RUVBL1: variants seen among roughly 807,000 people sequenced by gnomAD.
RUVBL1 encodes the protein ruvB-like 1.
A neutral mutation model predicts 52.4 loss-of-function variants in RUVBL1; 4 were observed. The observed-to-expected ratio is 0.08, with a 90% confidence interval of 0.04 to 0.17. The LOEUF (loss-of-function observed/expected upper bound fraction) is 0.17, where lower values mean the gene tolerates loss of function less well. RUVBL1 is among the 10% of genes least tolerant of loss of function. The pLI, the probability that RUVBL1 is intolerant of heterozygous loss-of-function variation, is 1.00. For synonymous variants in RUVBL1, 217 were observed against 214.4 expected (o/e 1.01, Z -0.10); for missense variants, 298 against 572.8 (o/e 0.52, Z 4.90).
At chr3:128,145,311 T>C (rs1054416378) in intron 1 of RUVBL1, among the ~76,000 whole-genome samples, 1 of 152,174 alleles carries the variant, frequency 6.6e-6, no homozygotes, top group Non-Finnish European at 1.5e-5. Flanking sequence ...TGCCCAAGGC[T>C]CCACAATTTC....
Position 128,087,753 on chromosome 3 carries a change from C to T in RUVBL1, c.1072G>A (p.Val358Met), listed in dbSNP as rs780134491. The T allele has an allele frequency of 3.7e-6, 6 of 1,614,134 alleles. No individual in the cohort carries two copies. Among genetic ancestry groups the T allele is most frequent in the Non-Finnish European group, 5.1e-6 (6 of 1,180,010 alleles). The change falls in exon 9 of 11, where the codon GTG becomes ATG. Residue 358 changes from valine (V) to methionine (M), a missense_variant. This residue lies in a region of RUVBL1 where 161 missense variants were observed against 298.3 expected (regional missense o/e 0.54). Transcript: ENST00000322623. ...HGIPLDLLDR[V>M]MIIRTMLYTP... ...TACAGCATGGTCCGGATTATCATCA[C>T]TCGGTCCAGAAGGTCAAGAGGGATG...
At chr3:128,107,543 T>C (rs1009383134) in intron 3 of RUVBL1, among the ~76,000 whole-genome samples, 1 of 152,206 alleles carries the variant, frequency 6.6e-6, no homozygotes. Context: ...TATCTTATCA[T>C]TGGGCTGTTT....
At chr3:128,074,767 G>A (rs528503443) in intron 9 of RUVBL1, among the ~76,000 whole-genome samples, 2 of 151,008 alleles carry the variant, frequency 1.3e-5, no homozygotes, top group African/African-American at 2.4e-5. Flanking sequence ...ACTTGAACCC[G>A]GGAGGCGGTG....
chr3:128,125,458 T>C (rs1943772386), upstream of RUVBL1, among the ~76,000 whole-genome samples: 1 of 152,222 alleles, frequency 6.6e-6, no homozygotes, highest in Non-Finnish European at 1.5e-5. Context: ...TGCAGGCCTT[T>C]TGAGGGTGTA....
intron 4 of RUVBL1, among the ~76,000 whole-genome samples, chr3:128,104,418 C>T (rs968056892): frequency 3.3e-5 from 5 of 152,184 alleles, no homozygotes; most frequent in Non-Finnish European, 7.3e-5. Flanking sequence ...GCACTGATAA[C>T]TGGAAAAATT....
intron 1 of RUVBL1, among the ~76,000 whole-genome samples, chr3:128,132,501 G>C (rs1943894913): frequency 6.6e-6 from 1 of 152,164 alleles, no homozygotes. Flanking sequence ...TGCTTGAGGA[G>C]AGCAGAGAGG....
At chr3:128,094,281 T>A (rs1942919144) in intron 8 of RUVBL1, among the ~76,000 whole-genome samples, 1 of 152,116 alleles carries the variant, frequency 6.6e-6, no homozygotes, top group Non-Finnish European at 1.5e-5. Context: ...ACAATGGCCA[T>A]CAGAGAGTGG....
exon 1 of RUVBL1, chr3:128,153,739 G>A (rs766017842): frequency 1.3e-4 from 194 of 1,538,552 alleles, no homozygotes; most frequent in Middle Eastern, 1.7e-4. Flanking sequence ...GCCCGAGGCC[G>A]AGCCCGAGCC....
chr3:128,099,817 G>C (rs1943072689), intron 6 of RUVBL1, among the ~76,000 whole-genome samples: 2 of 152,170 alleles, frequency 1.3e-5, no homozygotes. Context: ...AGAAAACCCA[G>C]AGACCCAAAG....
chr3:128,136,698 A>G (rs2107732001), intron 1 of RUVBL1, among the ~76,000 whole-genome samples: 1 of 152,250 alleles, frequency 6.6e-6, no homozygotes, highest in South Asian at 2.1e-4. Context: ...CACAGATGGA[A>G]AATAAAGGGA....
chr3:128,064,847 C>A lies in RUVBL1; in HGVS notation c.*365G>T, dbSNP rs1273573318. The A allele has an allele frequency of 3.2e-6, 5 of 1,549,160 alleles. No homozygotes were observed. The African/African-American group carries it at 6.9e-5, about 21-fold the overall frequency. On this transcript the variant is annotated 3_prime_UTR_variant, in exon 10 of 10. Transcript: ENST00000464873. ...AGCAAATTGAGTTGCCTGTTCGTTC[C>A]TTCATATATGTCTCCTCCTCTGCCA...
intron 9 of RUVBL1, among the ~76,000 whole-genome samples, chr3:128,066,032 G>A (rs977499320): frequency 3.3e-5 from 5 of 151,860 alleles, no homozygotes; most frequent in Non-Finnish European, 7.4e-5. Flanking sequence ...GTGAGCCACC[G>A]CACCCGGCCT....
upstream of RUVBL1, among the ~76,000 whole-genome samples, chr3:128,128,133 C>T (rs961950705): frequency 2.0e-5 from 3 of 152,120 alleles, no homozygotes; most frequent in South Asian, 2.1e-4. Flanking sequence ...GCTGGGCATG[C>T]GCCACCACAC....
At chr3:128,074,859 A>AAAAAAC (rs1254609076) in intron 9 of RUVBL1, among the ~76,000 whole-genome samples, 8 of 151,894 alleles carry the variant, frequency 5.3e-5, no homozygotes, top group Non-Finnish European at 1.2e-4. Flanking sequence ...AAAAAAAAAA[A>AAAAAAC]AAAAAACTTA....
chr3:128,069,429 G>A (rs1942086633), intron 9 of RUVBL1: 8 of 1,573,518 alleles, frequency 5.1e-6, no homozygotes, highest in African/African-American at 1.3e-5. Flanking sequence ...CCTGGCTCAC[G>A]GGGAGCTCTG....
intron 1 of RUVBL1, among the ~76,000 whole-genome samples, chr3:128,151,369 C>A (rs1944209640): frequency 6.6e-6 from 1 of 150,420 alleles, no homozygotes; most frequent in South Asian, 2.1e-4. Context: ...CCAGCCAAAC[C>A]TTTTTTCTTT....
At chr3:128,090,880 A>G (rs1482599034) in intron 8 of RUVBL1, among the ~76,000 whole-genome samples, 1 of 152,230 alleles carries the variant, frequency 6.6e-6, no homozygotes, top group Non-Finnish European at 1.5e-5. Flanking sequence ...AATATCCAAA[A>G]TTCTACACCA....
At chr3:128,086,761 T>C (rs1374520105) in intron 9 of RUVBL1, among the ~76,000 whole-genome samples, 3 of 152,252 alleles carry the variant, frequency 2.0e-5, no homozygotes, top group Admixed American at 2.0e-4. Context: ...CCTAGTCCAA[T>C]GGTATTCCTA....
At chr3:128,114,711 C>T (rs931772805) in intron 2 of RUVBL1, among the ~76,000 whole-genome samples, 1 of 152,118 alleles carries the variant, frequency 6.6e-6, no homozygotes, top group Non-Finnish European at 1.5e-5. Context: ...AAGGCTGACA[C>T]CTTGAAAACT....
Sources: gnomAD v4.1 joint callset for allele counts (sites outside exome capture counted in the v4.1 genomes callset) on GRCh38, gnomAD v4.1.1 for gene constraint, gnomAD v4.1.1 regional missense constraint, MANE v1.5 for transcripts, NCBI Gene and HGNC (gene_info 2026-07-23, HGNC 2026-07-21) for gene names.